The following TCERG1L variants were observed in gnomAD, a reference collection of about 807,000 sequenced individuals.
TCERG1L encodes the protein transcription elongation regulator 1-like protein.
Under a neutral mutation model 56.3 loss-of-function variants are expected in TCERG1L, and 37 were observed. The observed-to-expected ratio is 0.66, with a 90% CI of 0.51 to 0.87. The LOEUF is 0.87. Among genes scored for constraint, TCERG1L ranks in the 40% least tolerant of loss-of-function variants. The pLI is 0.00. For synonymous variants in TCERG1L, 324 were observed against 326.3 expected (o/e 0.99, Z 0.08); for missense variants, 799 against 774.2 (o/e 1.03, Z -0.38).
intron 11 of TCERG1L, chr10:131,095,258 C>T: frequency 6.4e-6 from 1 of 155,312 alleles, no homozygotes; most frequent in Non-Finnish European, 1.4e-5. Context: ...GGCGTCAACC[C>T]CACCGGGCGG....
intron 7 of TCERG1L, among the ~76,000 whole-genome samples, chr10:131,144,152 C>G (rs1453049907): frequency 2.0e-5 from 3 of 152,150 alleles, no homozygotes; most frequent in African/African-American, 7.2e-5. Context: ...CAAAATTCTT[C>G]TACTTCATTT....
In TCERG1L at chr10:131,311,653, ACGG is replaced by A. The variant is rs973165230; in HGVS notation, c.-21_-19del. On this transcript the variant is annotated 5_prime_UTR_variant, in exon 1 of 12. Transcript: ENST00000368642. The surrounding 1 kb of genome is among the most constrained non-coding windows in gnomAD (Gnocchi z 4.0). ...GCCTGCATCCTACATCCCCGCGCTGACGGCGGCGGCGGGGGCGGCGGGCGCCCG... is the reference window on the plus strand; with the variant it reads ...GCCTGCATCCTACATCCCCGCGCTGACGGCGGCGGGGGCGGCGGGCGCCCG... 102 of 1,074,152 alleles carry A rather than the reference ACGG, an allele frequency of 9.5e-5. 1 individual carries two copies. Among genetic ancestry groups the A allele is most frequent in the East Asian group, 1.1e-4 (2 of 19,034 alleles). The allele number at this position is 1,074,152 out of a possible 1,614,324, so 66.5% of individuals were successfully genotyped here.
chr10:131,220,451 AG>A (rs1182434498), intron 4 of TCERG1L, among the ~76,000 whole-genome samples: 1 of 152,204 alleles, frequency 6.6e-6, no homozygotes, highest in African/African-American at 2.4e-5. Flanking sequence ...CTGACTCACA[AG>A]GGGCACATGG....
rs556888946 is a variant in TCERG1L at position 131,302,276 on chromosome 10, G to A, written c.670+5935C>T. On this transcript the variant is annotated intron_variant, in intron 3 of 11. Transcript: ENST00000368642. ...CATTCATAAAATGCCTCCAGGATACGGTGAGCAGGATATACGGCTGGCTTT... is the reference window on the plus strand; with the variant it reads ...CATTCATAAAATGCCTCCAGGATACAGTGAGCAGGATATACGGCTGGCTTT... 4.0e-5 allele frequency among the ~76,000 whole-genome samples: 6 copies of A among 151,704 alleles called. No homozygotes were observed. The South Asian group carries it at 1.2e-3, about 32-fold the overall frequency.
chr10:131,121,373 A>C (rs1443844455), intron 8 of TCERG1L, among the ~76,000 whole-genome samples: 28 of 152,222 alleles, frequency 1.8e-4, no homozygotes, highest in Admixed American at 1.8e-3. Context: ...ACTCATGGTA[A>C]GATACATGCT....
At position 131,214,131 on chromosome 10, in the gene TCERG1L, G is replaced by A. The variant is rs573169454; in HGVS notation, c.856+46128C>T. Reference sequence around the variant, plus strand: ...ACAAGCCCTTGAAGAATGTAGAAATGCACAGGCCTCCTGACATCCTCTGCA... The same window carrying A: ...ACAAGCCCTTGAAGAATGTAGAAATACACAGGCCTCCTGACATCCTCTGCA... On this transcript the variant is annotated intron_variant, in intron 4 of 11. Coordinates refer to ENST00000368642, the MANE Select transcript of TCERG1L (RefSeq NM_174937.4). Among the ~76,000 whole-genome samples the A allele has an allele frequency of 5.9e-5, 9 of 152,308 alleles. No homozygotes were observed. In the East Asian group the frequency reaches 1.7e-3, roughly 30 times the overall value.
rs1443827674 is a variant in TCERG1L at position 131,260,599 on chromosome 10, G to A, written c.671-155C>T. ...AGGCCCACAGTATGTGCCACCGTCC[G>A]CAGAACAAATGCTTCTGATGAGTTC... On this transcript the variant is annotated intron_variant, in intron 3 of 11. Transcript: ENST00000368642. This position sits in a 1 kb window ranked among gnomAD's most constrained non-coding sequence, Gnocchi z 5.8. Among the ~76,000 whole-genome samples the A allele has an allele frequency of 1.3e-5, 2 of 152,120 alleles. No individual in the cohort carries two copies. The highest frequency in any genetic ancestry group is 6.5e-5 in the Admixed American group (1 of 15,278).
chr10:131,216,019 C>A (rs556106152), intron 4 of TCERG1L, among the ~76,000 whole-genome samples: 5 of 152,292 alleles, frequency 3.3e-5, no homozygotes, highest in African/African-American at 1.2e-4. Context: ...AGGACCTGAC[C>A]AGCCACAGGG....
At chr10:131,306,168 A>G (rs1216977821) in intron 3 of TCERG1L, among the ~76,000 whole-genome samples, 3 of 152,182 alleles carry the variant, frequency 2.0e-5, no homozygotes, top group African/African-American at 7.2e-5. Flanking sequence ...TTAAACAGTT[A>G]GTAACACATA....
intron 4 of TCERG1L, among the ~76,000 whole-genome samples, chr10:131,246,661 G>C (rs905806520): frequency 6.7e-6 from 1 of 150,054 alleles, no homozygotes; most frequent in Non-Finnish European, 1.5e-5. Flanking sequence ...GTGGGTGCCT[G>C]CCTGAGCCAG....
chr10:131,244,226 A>G (rs1589759546), intron 4 of TCERG1L, among the ~76,000 whole-genome samples: 1 of 152,250 alleles, frequency 6.6e-6, no homozygotes, highest in East Asian at 1.9e-4. Context: ...ATCACCAGCC[A>G]TCTCCCTCCA....
Position 131,188,279 on chromosome 10 carries a change from G to A in TCERG1L, c.857-21394C>T, listed in dbSNP as rs571839153. ...TGGAAATAGTGGGTACTGAAGTGCC[G>A]CCTGACACAAGAGAACACAGTAAAA... On this transcript the variant is annotated intron_variant, in intron 4 of 11. Transcript: ENST00000368642. Among the ~76,000 whole-genome samples, 9 of 152,262 alleles carry A rather than the reference G, an allele frequency of 5.9e-5. No individual in the cohort carries two copies. In the South Asian group the frequency reaches 1.0e-3, roughly 18 times the overall value.
intron 6 of TCERG1L, among the ~76,000 whole-genome samples, chr10:131,152,129 G>T (rs2133420413): frequency 6.6e-6 from 1 of 152,248 alleles, no homozygotes; most frequent in East Asian, 1.9e-4. Context: ...TTAACATTTG[G>T]TTCCTTGTTA....
At chr10:131,106,557 A>G (rs1358148069) in intron 9 of TCERG1L, among the ~76,000 whole-genome samples, 1 of 152,174 alleles carries the variant, frequency 6.6e-6, no homozygotes, top group African/African-American at 2.4e-5. Flanking sequence ...ATGAAGGTGC[A>G]GGGAAGTGGC....
In TCERG1L at chr10:131,308,283, C is replaced by A; in HGVS notation, c.598G>T (p.Val200Leu). The A allele has an allele frequency of 6.2e-7, 1 of 1,614,004 alleles. No individual in the cohort carries two copies. The highest frequency in any genetic ancestry group is 1.1e-5 in the South Asian group (1 of 91,070). ...KPRLLANQVA[V>L]SLSRPAPASR... ...GCAGGAGCCGGCCTGGACAGAGACA[C>A]AGCTACTTGATTTGCCAGCAAACGA... is the stretch of plus-strand genomic sequence containing the variant. Residue 200 changes from valine to leucine, a missense_variant, in exon 3 of 12, where the codon GTG becomes TTG. By Grantham distance (32) the Val-to-Leu change is conservative. Transcript: ENST00000368642.
intron 4 of TCERG1L, among the ~76,000 whole-genome samples, chr10:131,171,678 C>T (rs754218175): frequency 3.2e-4 from 48 of 152,188 alleles, no homozygotes; most frequent in Non-Finnish European, 6.2e-4. Flanking sequence ...TCAAGTGATT[C>T]TCCCGTCTCA....
At chr10:131,232,123 T>TA (rs1405497851) in intron 4 of TCERG1L, among the ~76,000 whole-genome samples, 1 of 152,268 alleles carries the variant, frequency 6.6e-6, no homozygotes, top group African/African-American at 2.4e-5. Flanking sequence ...AGTGGCATGT[T>TA]AGCCAAGGCG....
At chr10:131,131,157 G>A (rs1055359654) in intron 8 of TCERG1L, among the ~76,000 whole-genome samples, 4 of 152,074 alleles carry the variant, frequency 2.6e-5, no homozygotes, top group Non-Finnish European at 5.9e-5. Context: ...GGTGTGATTC[G>A]AGCCGCGGTG....
intron 3 of TCERG1L, among the ~76,000 whole-genome samples, chr10:131,274,036 G>A (rs1012546038): frequency 7.2e-5 from 11 of 152,042 alleles, no homozygotes; most frequent in African/African-American, 2.7e-4. Context: ...AGAGAGGAAC[G>A]GGGCCTGGGC....
Sources: gnomAD v4.1 joint callset for allele counts (sites outside exome capture counted in the v4.1 genomes callset) on GRCh38, gnomAD v4.1.1 for gene constraint, Gnocchi (gnomAD v3.1) non-coding constraint, MANE v1.5 for transcripts, NCBI Gene and HGNC (gene_info 2026-07-23, HGNC 2026-07-21) for gene names.